The following RAP1GAP2 variants were observed in gnomAD, a reference collection of about 807,000 sequenced individuals.
The protein encoded by RAP1GAP2 is rap1 GTPase-activating protein 2.
A neutral mutation model predicts 95.0 loss-of-function variants in RAP1GAP2; 27 were observed. The ratio of observed to expected loss-of-function variants is 0.28; its 90% CI spans 0.21 to 0.39. The LOEUF (loss-of-function observed/expected upper bound fraction) is 0.39, where lower values mean the gene tolerates loss of function less well. Ranked by LOEUF, RAP1GAP2 falls within the 10% of genes least tolerant of loss-of-function variation. The probability of loss-of-function intolerance (pLI) is 1.00; values close to 1 mark genes in which losing one functional copy is unlikely to be tolerated. For missense variants in RAP1GAP2, 771 were observed against 970.0 expected, an observed-to-expected ratio of 0.79 and a Z score of 2.72; for synonymous variants, 373 against 380.9, an observed-to-expected ratio of 0.98 and a Z score of 0.24.
rs538440537 is a variant in RAP1GAP2 at position 2,783,327 on chromosome 17, C to T, written c.-14+6049C>T. On this transcript the variant is annotated intron_variant, in intron 1 of 24. Coordinates refer to the RAP1GAP2 transcript ENST00000540393. ...TTGTAAATACCTGCATAAAGGTAGC[C>T]CTCATTTATCCTCTACTTCCTAACC... 2.0e-5 allele frequency among the ~76,000 whole-genome samples: 3 copies of T among 152,262 alleles called. No individual in the cohort carries two copies. The East Asian group carries it at 5.8e-4, about 29-fold the overall frequency.
chr17:2,958,158 G>A (rs2044189870), intron 4 of RAP1GAP2, among the ~76,000 whole-genome samples: 1 of 152,140 alleles, frequency 6.6e-6, no homozygotes, highest in Admixed American at 6.6e-5. Context: ...ATCTTGCATA[G>A]GGAGGCAGAG....
At chr17:3,014,754 A>T (rs1387592953) in intron 17 of RAP1GAP2, among the ~76,000 whole-genome samples, 1 of 152,080 alleles carries the variant, frequency 6.6e-6, no homozygotes. Context: ...ATGGGGTTTC[A>T]CCATGTTGGC....
chr17:2,933,399 C>T (rs1376749958), intron 3 of RAP1GAP2, among the ~76,000 whole-genome samples: 1 of 152,198 alleles, frequency 6.6e-6, no homozygotes, highest in Non-Finnish European at 1.5e-5. Flanking sequence ...ACCTGCCTTC[C>T]AGGGCCAGTT....
Position 2,796,507 on chromosome 17 carries a change from C to T in RAP1GAP2, c.-21C>T, listed in dbSNP as rs971818677. The T allele has an allele frequency of 5.1e-6, 8 of 1,554,702 alleles. No homozygotes were observed. Among genetic ancestry groups the T allele is most frequent in the African/African-American group, 1.4e-5 (1 of 73,306 alleles). ...ACGTCGTTGGGACATCGCTGGGACC[C>T]CGGGCTCTGCAGCCACAACCATGTT... is the stretch of plus-strand genomic sequence containing the variant. On this transcript the variant is annotated 5_prime_UTR_variant, in exon 1 of 25. Transcript: ENST00000254695. This position sits in a 1 kb window ranked among gnomAD's most constrained non-coding sequence, Gnocchi z 4.7.
chr17:2,886,977 T>C (rs2073525129), intron 2 of RAP1GAP2, among the ~76,000 whole-genome samples: 1 of 152,176 alleles, frequency 6.6e-6, no homozygotes, highest in Non-Finnish European at 1.5e-5. Flanking sequence ...ATCTACCACA[T>C]AGGGGTGTTG....
At chr17:2,807,926 G>A (rs1205105889) in intron 2 of RAP1GAP2, among the ~76,000 whole-genome samples, 1 of 152,168 alleles carries the variant, frequency 6.6e-6, no homozygotes, top group Non-Finnish European at 1.5e-5. Context: ...CACGTAAAGA[G>A]GTCCCCGGAG....
At chr17:2,942,736 G>A (rs761941086) in intron 3 of RAP1GAP2, among the ~76,000 whole-genome samples, 9 of 152,014 alleles carry the variant, frequency 5.9e-5, no homozygotes, top group Admixed American at 6.6e-5. Flanking sequence ...TTGTGATGTC[G>A]TACAACCATC....
At chr17:3,022,476 A>T (rs1208904437) in intron 19 of RAP1GAP2, among the ~76,000 whole-genome samples, 3 of 152,224 alleles carry the variant, frequency 2.0e-5, no homozygotes, top group African/African-American at 7.2e-5. Context: ...CATTTCTTTG[A>T]TAATTAATGA....
In RAP1GAP2 at chr17:3,027,189, G is replaced by A; in HGVS notation, c.2107+119G>A. 1.5e-6 allele frequency: 2 copies of A among 1,312,916 alleles called. No individual in the cohort carries two copies. Among genetic ancestry groups the A allele is most frequent in the Non-Finnish European group, 2.0e-6 (2 of 978,000 alleles). 81.3% of individuals were successfully genotyped at this position (1,312,916 alleles called of 1,614,324 possible). A position where few individuals can be genotyped will look rare whatever the true frequency, so the allele number is the denominator to read the frequency against. On this transcript the variant is annotated intron_variant, in intron 22 of 24. Coordinates refer to ENST00000254695, the MANE Select transcript of RAP1GAP2 (RefSeq NM_015085.5). The surrounding 1 kb of genome is among the most constrained non-coding windows in gnomAD (Gnocchi z 5.2). ...AGTTTTCACCCCTCCTCCCAGCTGT[G>A]AGGCCCTCCGCTCTGTGCGCCCGCC...
intron 2 of RAP1GAP2, among the ~76,000 whole-genome samples, chr17:2,815,870 G>C (rs1443215936): frequency 6.6e-6 from 1 of 152,244 alleles, no homozygotes. Context: ...GCGTACCTAC[G>C]CAGGCACACT....
upstream of RAP1GAP2, among the ~76,000 whole-genome samples, chr17:2,792,059 C>T (rs2068939579): frequency 1.3e-5 from 2 of 150,892 alleles, no homozygotes; most frequent in East Asian, 4.0e-4. Context: ...GGGGTTTCAC[C>T]ATGTTGGCCA....
At chr17:2,984,242 GGAGGCT>G (rs1225830249) in intron 10 of RAP1GAP2, among the ~76,000 whole-genome samples, 9 of 152,128 alleles carry the variant, frequency 5.9e-5, no homozygotes, top group Admixed American at 5.9e-4. Flanking sequence ...CAACTACTCG[GGAGGCT>G]GAGGCAGGAG....
intron 8 of RAP1GAP2, among the ~76,000 whole-genome samples, chr17:2,970,617 A>AT (rs1375110603): frequency 6.6e-6 from 1 of 152,202 alleles, no homozygotes; most frequent in Non-Finnish European, 1.5e-5. Context: ...TGTTGTTTAA[A>AT]TTTATAATCT....
At chr17:2,884,139 G>A (rs2073400684) in intron 2 of RAP1GAP2, among the ~76,000 whole-genome samples, 1 of 152,194 alleles carries the variant, frequency 6.6e-6, no homozygotes, top group East Asian at 1.9e-4. Context: ...AACTTCTAGT[G>A]TGCATTGCAA....
At chr17:2,924,496 G>A (rs1260740671) in intron 3 of RAP1GAP2, among the ~76,000 whole-genome samples, 28 of 152,032 alleles carry the variant, frequency 1.8e-4, no homozygotes, top group Admixed American at 6.6e-5. Flanking sequence ...GCCAGGTGAC[G>A]TCATCTGCTG....
intron 17 of RAP1GAP2, among the ~76,000 whole-genome samples, chr17:3,012,623 A>C (rs1035927728): frequency 1.9e-4 from 29 of 151,614 alleles, no homozygotes; most frequent in Non-Finnish European, 3.2e-4. Context: ...AAAAAAAAAA[A>C]AAAAAAAACA....
Position 2,963,564 on chromosome 17 carries a change from G to C in RAP1GAP2, c.279+102G>C. ...CCTGTGCCCAGCCCCCCAGGGGAGA[G>C]AACCTTGGGCCTGGGACCTCTCTTC... On this transcript the variant is annotated intron_variant, in intron 6 of 24. Coordinates refer to ENST00000254695, the MANE Select transcript of RAP1GAP2 (RefSeq NM_015085.5). This position sits in a 1 kb window ranked among gnomAD's most constrained non-coding sequence, Gnocchi z 4.8. The C allele has an allele frequency of 6.8e-7, 1 of 1,479,664 alleles. No homozygotes were observed. Among genetic ancestry groups the C allele is most frequent in the Non-Finnish European group, 9.4e-7 (1 of 1,061,928 alleles). The allele number at this position is 1,479,664 out of a possible 1,614,324, so 91.7% of individuals were successfully genotyped here.
rs897737164 is a variant in RAP1GAP2, at chr17:2,967,882, G to A, written c.596+2239G>A. ...TATAACAAGCAGCTCTCCAGTCTAA[G>A]ATCTAAGTATTCTAACAGCCTGTGT... On this transcript the variant is annotated intron_variant, in intron 8 of 24. Transcript: ENST00000254695. 3.3e-5 allele frequency among the ~76,000 whole-genome samples: 5 copies of A among 152,166 alleles called. No individual in the cohort carries two copies. The East Asian group carries it at 7.7e-4, about 23-fold the overall frequency.
chr17:2,806,876 GT>G (rs1166584099), intron 2 of RAP1GAP2, among the ~76,000 whole-genome samples: 2 of 151,782 alleles, frequency 1.3e-5, no homozygotes, highest in Non-Finnish European at 2.9e-5. Flanking sequence ...TACAGACGGG[GT>G]TTTGCCATGT....
Sources: allele counts gnomAD v4.1 joint callset (sites outside exome capture counted in the v4.1 genomes callset), GRCh38; gene constraint gnomAD v4.1.1; non-coding constraint Gnocchi (gnomAD v3.1); transcripts MANE v1.5; gene names NCBI Gene and HGNC (gene_info 2026-07-23, HGNC 2026-07-21).